Variants in SLCO4A1 observed in about 807,000 individuals in gnomAD.
SLCO4A1 encodes colon organic anion transporter.
A neutral mutation model predicts 64.6 loss-of-function variants in SLCO4A1; 51 were observed. That is an observed-to-expected ratio of 0.79 (90% confidence interval 0.63 to 1.00). SLCO4A1 has a LOEUF of 1.00. Among genes scored for constraint, SLCO4A1 ranks in the 50% least tolerant of loss-of-function variants. The pLI is 0.00. For synonymous variants in SLCO4A1, 471 were observed against 444.9 expected (o/e 1.06, Z -0.74); for missense variants, 919 against 980.5 (o/e 0.94, Z 0.84).
At chr20:62,684,328 G>A (rs1987973875) in intron 2 of SLCO4A1, among the ~76,000 whole-genome samples, 1 of 152,232 alleles carries the variant, frequency 6.6e-6, no homozygotes, top group Admixed American at 6.5e-5. Context: ...TATAGGAAGT[G>A]CAGTACATGT....
At chr20:62,668,256 C>G in intron 9 of SLCO4A1, 72 bp downstream of exon 9, 3 of 1,558,254 alleles carry the variant, frequency 1.9e-6, no homozygotes, top group Non-Finnish European at 2.7e-6. Flanking sequence ...TCTGCAGATC[C>G]TGAGACAGGA....
At chr20:62,652,404 T>TCTGTTTCGGCGGCCGG (rs1982721390) in intron 1 of SLCO4A1, among the ~76,000 whole-genome samples, 1 of 152,180 alleles carries the variant, frequency 6.6e-6, no homozygotes, top group Admixed American at 6.5e-5. Context: ...GAGGTTGCTT[T>TCTGTTTCGGCGGCCGG]CTGTTTCGGC....
In SLCO4A1 at chr20:62,660,536, G is replaced by A. The variant is rs1984580990; in HGVS notation, c.1009+3G>A. 2.5e-6 allele frequency: 4 copies of A among 1,604,418 alleles called. No homozygotes were observed. The highest frequency in any genetic ancestry group is 3.3e-4 in the Middle Eastern group (2 of 6,078). On this transcript the variant is annotated splice_donor_region_variant and intron_variant, in intron 4 of 11. Coordinates refer to ENST00000217159, the MANE Select transcript of SLCO4A1 (RefSeq NM_016354.4). Reference sequence around the variant, plus strand: ...TGGTTACCCTCGGCAGCTGCCAGGTGGGTTTCCCTTCCCCAGCCCAGCCTT... The same window carrying A: ...TGGTTACCCTCGGCAGCTGCCAGGTAGGTTTCCCTTCCCCAGCCCAGCCTT...
Position 62,660,450 on chromosome 20 carries a change from C to T in SLCO4A1, c.926C>T (p.Ala309Val). 6.2e-7 allele frequency: 1 copy of T among 1,601,144 alleles called. No individual in the cohort carries two copies. The highest frequency in any genetic ancestry group is 8.5e-7 in the Non-Finnish European group (1 of 1,179,754). Reference sequence around the variant, plus strand: ...ACCGAGAGCCCACTGTGGGTCGGCGCCTGGTGGGTCGGCTTCCTGGGCTCT... The same window carrying T: ...ACCGAGAGCCCACTGTGGGTCGGCGTCTGGTGGGTCGGCTTCCTGGGCTCT... ...LTTESPLWVG[A>V]WWVGFLGSGA... Residue 309 changes from alanine to valine, a missense_variant, in exon 4 of 12, where the codon GCC becomes GTC. By Grantham distance (64) the Ala-to-Val change is moderately conservative. Transcript: ENST00000217159.
Position 62,661,620 on chromosome 20 carries a change from T to C in SLCO4A1, c.1121+445T>C, listed in dbSNP as rs6011481. Among the ~76,000 whole-genome samples the C allele has an allele frequency of 0.97, 143,870 of 147,608 alleles. 70,228 individuals are homozygous for C. Among genetic ancestry groups the C allele is most frequent in the East Asian group, 1 (4,848 of 4,848 alleles). ...CACACTCTAATTCCCTTTCATCAGG[T>C]GTCACCTGTGCCGTACCCCCCGGGC... On this transcript the variant is annotated intron_variant, in intron 5 of 11. Transcript: ENST00000217159. This position sits in a 1 kb window ranked among gnomAD's most constrained non-coding sequence, Gnocchi z 5.2.
At chr20:62,675,443 C>T (rs1253050293), downstream of SLCO4A1, among the ~76,000 whole-genome samples, 5 of 152,264 alleles carry the variant, frequency 3.3e-5, no homozygotes, top group East Asian at 1.9e-4. Context: ...CTGCTGCCCT[C>T]GCCTCGATCT....
rs1341477195 is a variant in SLCO4A1, at chr20:62,645,109, TG to T, written c.-97+2558del. Among the ~76,000 whole-genome samples the T allele has an allele frequency of 6.6e-6, 1 of 152,262 alleles. No homozygotes were observed. Among genetic ancestry groups the T allele is most frequent in the Non-Finnish European group, 1.5e-5 (1 of 68,044 alleles). ...TCGTTCTGGGACATGGACCACTGTC[TG>T]GCCCCCCAGTGAGCTTGCTGAGTGT... On this transcript the variant is annotated intron_variant, in intron 1 of 11. Transcript: ENST00000217159. This position sits in a 1 kb window ranked among gnomAD's most constrained non-coding sequence, Gnocchi z 4.2.
downstream of SLCO4A1, among the ~76,000 whole-genome samples, chr20:62,688,705 G>A (rs190057876): frequency 1.4e-4 from 22 of 152,276 alleles, no homozygotes; most frequent in Admixed American, 5.2e-4. Context: ...CAGCAAACCC[G>A]GTCCCCTGAC....
Position 62,660,397 on chromosome 20 carries a change from C to T in SLCO4A1, c.888-15C>T, listed in dbSNP as rs1399654467. On this transcript the variant is annotated splice_polypyrimidine_tract_variant and intron_variant, in intron 3 of 11. Transcript: ENST00000217159. Reference sequence around the variant, plus strand: ...GGGCTGCACGCTGACCCAGGTGCCACTGCCTCTTCCACAGGACGGAGCTGA... The same window carrying T: ...GGGCTGCACGCTGACCCAGGTGCCATTGCCTCTTCCACAGGACGGAGCTGA... The T allele has an allele frequency of 6.3e-7, 1 of 1,596,342 alleles. No homozygotes were observed. Among genetic ancestry groups the T allele is most frequent in the South Asian group, 1.1e-5 (1 of 91,012 alleles).
At chr20:62,682,323 C>A (rs1987871660) in intron 2 of SLCO4A1, among the ~76,000 whole-genome samples, 1 of 152,176 alleles carries the variant, frequency 6.6e-6, no homozygotes, top group African/African-American at 2.4e-5. Flanking sequence ...TGGAAAGAGA[C>A]CATAGGGGAG....
At position 62,657,096 on chromosome 20, in the gene SLCO4A1, G is replaced by C. The variant is rs202154399; in HGVS notation, c.642G>C (p.Ala214=). ...GVRTCPANPG[A]VCADSTSGLS... ...GGACGTGCCCTGCCAACCCCGGCGC[G>C]GTGTGTGCGGACAGCACCTCGGGCC... The change falls in exon 2 of 12, where the codon GCG becomes GCC. Residue 214 remains alanine (A), a synonymous_variant. Transcript: ENST00000217159. The C allele has an allele frequency of 4.4e-6, 7 of 1,598,186 alleles. No homozygotes were observed. Among genetic ancestry groups the C allele is most frequent in the African/African-American group, 1.3e-5 (1 of 74,852 alleles).
chr20:62,661,122 C>T lies in SLCO4A1; in HGVS notation c.1068C>T (p.Ser356=), dbSNP rs754419135. The T allele has an allele frequency of 6.2e-7, 1 of 1,602,028 alleles. No individual in the cohort carries two copies. The highest frequency in any genetic ancestry group is 2.3e-5 in the East Asian group (1 of 44,060). The change falls in exon 5 of 12, where the codon AGC becomes AGT. Residue 356 remains serine, a synonymous_variant. Transcript: ENST00000217159. This position sits in a 1 kb window ranked among gnomAD's most constrained non-coding sequence, Gnocchi z 5.2. The stretch of plus-strand genomic sequence containing the variant: ...AAATGCACCAGTTGAAGGACAGCAG[C>T]CGTGGGGAGGCGAGCAACCCGGACT... ...AAEMHQLKDS[S]RGEASNPDFG... is the part of the protein sequence containing the mutation.
chr20:62,661,157 C>A lies in SLCO4A1; in HGVS notation c.1103C>A (p.Thr368Asn). 2 of 1,612,628 alleles carry A rather than the reference C, an allele frequency of 1.2e-6. No homozygotes were observed. The highest frequency in any genetic ancestry group is 1.7e-6 in the Non-Finnish European group (2 of 1,179,202). The change falls in exon 5 of 12, where the codon ACC (threonine) becomes AAC (asparagine). Residue 368 changes from threonine (T) to asparagine (N), a missense_variant. Physicochemically the swap from Thr to Asn is moderately conservative, Grantham distance 65 (BLOSUM62 0). Coordinates refer to ENST00000217159, the MANE Select transcript of SLCO4A1 (RefSeq NM_016354.4). This position sits in a 1 kb window ranked among gnomAD's most constrained non-coding sequence, Gnocchi z 5.2. ...GCGAGCAACCCGGACTTTGGGAAAA[C>A]CATCAGAGACCTGCCTCTGTAAGGA... ...GEASNPDFGK[T>N]IRDLPLSIWL...
chr20:62,648,659 C>T (rs1981864641), intron 1 of SLCO4A1, among the ~76,000 whole-genome samples: 1 of 152,224 alleles, frequency 6.6e-6, no homozygotes, highest in Non-Finnish European at 1.5e-5. Context: ...ACTGTGTGTG[C>T]ACAGGAGAGC....
intron 1 of SLCO4A1, 42 bp from the exon 2 acceptor site, chr20:62,656,317 G>A (rs7347500): frequency 0.21 from 149,163 of 712,130 alleles, 16,200 homozygotes; most frequent in African/African-American, 0.27. Flanking sequence ...TGCTGTACCC[G>A]TGGAGAGACG....
At chr20:62,669,134 C>G (rs1569147547) in intron 11 of SLCO4A1, 56 bp downstream of exon 11, 3 of 1,539,830 alleles carry the variant, frequency 1.9e-6, no homozygotes, top group Non-Finnish European at 2.7e-6. Context: ...CTGGGGGCTC[C>G]GAACATGCCG....
chr20:62,645,783 G>A lies in SLCO4A1; in HGVS notation c.-97+3230G>A, dbSNP rs1315293402. Among the ~76,000 whole-genome samples, 3 of 151,614 alleles carry A rather than the reference G, an allele frequency of 2.0e-5. No homozygotes were observed. Among genetic ancestry groups the A allele is most frequent in the Non-Finnish European group, 2.9e-5 (2 of 67,906 alleles). ...GCCCAGATTCCTCTCCCTCCCACGCGCAGCCAGGCCCTTCCTGCCCACGGA... is the reference window on the plus strand; with the variant it reads ...GCCCAGATTCCTCTCCCTCCCACGCACAGCCAGGCCCTTCCTGCCCACGGA... On this transcript the variant is annotated intron_variant, in intron 1 of 11. Coordinates refer to ENST00000217159, the MANE Select transcript of SLCO4A1 (RefSeq NM_016354.4). The surrounding 1 kb of genome is among the most constrained non-coding windows in gnomAD (Gnocchi z 4.2).
In SLCO4A1 at chr20:62,656,662, C is replaced by T. The variant is rs200054451; in HGVS notation, c.208C>T (p.Arg70Trp). ...CQLWAEKHGARGTHEVRYVSA... is the reference protein window; with the variant it reads ...CQLWAEKHGAWGTHEVRYVSA... ...GCTCTGGGCCGAGAAGCATGGCGCC[C>T]GGGGGACCCATGAGGTGCGGTACGT... Residue 70 changes from arginine (R) to tryptophan (W), a missense_variant, in exon 2 of 12, where the codon CGG (arginine) becomes TGG (tryptophan). Transcript: ENST00000217159. The T allele has an allele frequency of 1.8e-4, 284 of 1,604,836 alleles. 1 individual carries two copies. The highest frequency in any genetic ancestry group is 6.6e-4 in the Middle Eastern group (4 of 6,048).
downstream of SLCO4A1, chr20:62,672,609 C>T (rs1206501484): frequency 6.6e-6 from 1 of 152,254 alleles, no homozygotes; most frequent in African/African-American, 2.4e-5. Context: ...AAAATTGTTC[C>T]TCATCTTGCG....
Sources: gnomAD v4.1 joint callset for allele counts (sites outside exome capture counted in the v4.1 genomes callset) on GRCh38, gnomAD v4.1.1 for gene constraint, Gnocchi (gnomAD v3.1) non-coding constraint, MANE v1.5 for transcripts, NCBI Gene and HGNC (gene_info 2026-07-23, HGNC 2026-07-21) for gene names.